Variants in SEC23A observed in about 807,000 individuals in gnomAD.
SEC23A encodes the protein SEC23 homolog A, COPII component.
SEC23A carries 56 observed loss-of-function variants against 103.7 expected under a neutral mutation model. That is an observed-to-expected ratio of 0.54 (90% confidence interval 0.44 to 0.67). SEC23A has a LOEUF of 0.67. Among genes scored for constraint, SEC23A ranks in the 30% least tolerant of loss-of-function variants. The probability of loss-of-function intolerance (pLI) is 0.00; values close to 1 mark genes in which losing one functional copy is unlikely to be tolerated. For synonymous variants in SEC23A, 281 were observed against 293.0 expected, an observed-to-expected ratio of 0.96 and a Z score of 0.42; for missense variants, 784 against 936.4, an observed-to-expected ratio of 0.84 and a Z score of 2.12.
chr14:39,045,941 A>T (rs768267317), intron 15 of SEC23A, among the ~76,000 whole-genome samples: 1 of 152,158 alleles, frequency 6.6e-6, no homozygotes, highest in Non-Finnish European at 1.5e-5. Flanking sequence ...TTGAATTGTC[A>T]ATTCAAGTTT....
intron 14 of SEC23A, among the ~76,000 whole-genome samples, chr14:39,049,438 T>C (rs1885965799): frequency 6.6e-6 from 1 of 150,624 alleles, no homozygotes; most frequent in Non-Finnish European, 1.5e-5. Context: ...ATCGTGCCAC[T>C]GGACTCCAGC....
chr14:39,065,805 C>A (rs1295535353), intron 10 of SEC23A, among the ~76,000 whole-genome samples: 1 of 152,012 alleles, frequency 6.6e-6, no homozygotes, highest in Non-Finnish European at 1.5e-5. Flanking sequence ...TCAAGACCAG[C>A]CTGACCAACA....
chr14:39,034,430 C>A (rs1236585029), intron 19 of SEC23A, among the ~76,000 whole-genome samples: 1 of 152,172 alleles, frequency 6.6e-6, no homozygotes, highest in East Asian at 1.9e-4. Context: ...TCTATTGTTC[C>A]TCCTGTTCAA....
chr14:39,059,289 A>AC (rs1566491466), intron 13 of SEC23A, among the ~76,000 whole-genome samples: 30 of 91,592 alleles, frequency 3.3e-4, no homozygotes, highest in South Asian at 6.6e-4. Context: ...AAAAAAAAAA[A>AC]AAAAAAAAAA....
intron 19 of SEC23A, among the ~76,000 whole-genome samples, chr14:39,034,148 G>A (rs1440846909): frequency 6.6e-6 from 1 of 152,204 alleles, no homozygotes; most frequent in African/African-American, 2.4e-5. Flanking sequence ...GAACTTGAAA[G>A]ATTTGATAAT....
At chr14:39,044,804 G>T (rs138531602) in intron 16 of SEC23A, among the ~76,000 whole-genome samples, 2 of 152,224 alleles carry the variant, frequency 1.3e-5, no homozygotes, top group East Asian at 3.9e-4. Flanking sequence ...ACTAAACTCT[G>T]GAATAAGCTA....
intron 5 of SEC23A, among the ~76,000 whole-genome samples, chr14:39,090,166 T>G (rs1887606741): frequency 1.3e-5 from 2 of 152,206 alleles, no homozygotes. Flanking sequence ...CTTCTTCATT[T>G]TGGTCTACCT....
At chr14:39,087,694 T>C (rs547622223) in intron 5 of SEC23A, 3 of 152,364 alleles carry the variant, frequency 2.0e-5, no homozygotes, top group African/African-American at 7.2e-5. Context: ...AGTACTGGAG[T>C]TATAAAACTG....
intron 5 of SEC23A, among the ~76,000 whole-genome samples, chr14:39,089,927 G>A (rs1197013414): frequency 6.6e-6 from 1 of 152,244 alleles, no homozygotes; most frequent in Admixed American, 6.5e-5. Context: ...ATGCAGTCCA[G>A]CCTGGGTGAC....
chr14:39,083,340 GTGTCTCTCACCTACC>G (rs1421601683), intron 7 of SEC23A, among the ~76,000 whole-genome samples: 2 of 151,972 alleles, frequency 1.3e-5, no homozygotes, highest in Non-Finnish European at 2.9e-5. Context: ...GCACCTACCT[GTGTCTCTCACCTACC>G]TGTCTCTCAC....
Position 39,049,641 on chromosome 14 carries a change from G to A in SEC23A, c.1660-912C>T, listed in dbSNP as rs140068308. Among the ~76,000 whole-genome samples the A allele has an allele frequency of 4.5e-3, 688 of 151,866 alleles. 6 individuals carry two copies. Among genetic ancestry groups the A allele is most frequent in the African/African-American group, 0.016 (662 of 41,424 alleles). ...AAAATTTTGAAAATTAGCCAGGCAT[G>A]GTTGCACGTGACTATAGTCCCAGCT... On this transcript the variant is annotated intron_variant, in intron 14 of 19. Coordinates refer to ENST00000307712, the MANE Select transcript of SEC23A (RefSeq NM_006364.4).
intron 4 of SEC23A, 141 bp from the exon 5 acceptor site, chr14:39,091,854 G>A (rs1431228282): frequency 1.5e-6 from 1 of 676,066 alleles, no homozygotes; most frequent in Non-Finnish European, 2.6e-6. Flanking sequence ...TATTTCTACT[G>A]TCATGGAGAG....
intron 3 of SEC23A, 174 bp from the exon 4 acceptor site, chr14:39,092,801 ATT>A (rs1887705548): frequency 1.7e-6 from 1 of 579,186 alleles, no homozygotes; most frequent in Non-Finnish European, 3.1e-6. Flanking sequence ...CATGACTAGT[ATT>A]TTGGCATTAA....
chr14:39,057,395 A>C (rs1886285324), intron 13 of SEC23A, among the ~76,000 whole-genome samples: 1 of 152,162 alleles, frequency 6.6e-6, no homozygotes, highest in Non-Finnish European at 1.5e-5. Context: ...TCTATCACCC[A>C]AGCTGGAATG....
chr14:39,059,301 A>AAAAAAAC (rs1566491579), intron 13 of SEC23A, among the ~76,000 whole-genome samples: 15 of 103,290 alleles, frequency 1.5e-4, no homozygotes, highest in Admixed American at 3.1e-4. Context: ...AAAAAAAAAA[A>AAAAAAAC]AAAAAAAAAC....
chr14:39,093,018 C>T (rs1887714619), intron 3 of SEC23A, 169 bp downstream of exon 3: 9 of 531,628 alleles, frequency 1.7e-5, no homozygotes, highest in South Asian at 1.7e-4. Context: ...CGCCTGCCAC[C>T]ACGCCCAGCT....
chr14:39,052,981 A>T (rs1365789963), intron 14 of SEC23A, among the ~76,000 whole-genome samples: 1 of 152,106 alleles, frequency 6.6e-6, no homozygotes, highest in Non-Finnish European at 1.5e-5. Context: ...CTAAAAATAC[A>T]AAAAATTAGC....
At position 39,032,244 on chromosome 14, in the gene SEC23A, T is replaced by G. The variant is rs942847545; in HGVS notation, c.*995A>C. ...GTGAATACTAATGAATAAATCAAAA[T>G]AGAACTGAGCATCACATGATATAAT... On this transcript the variant is annotated 3_prime_UTR_variant, in exon 20 of 20. Coordinates refer to ENST00000307712, the MANE Select transcript of SEC23A (RefSeq NM_006364.4). 4 of 152,574 alleles carry G rather than the reference T, an allele frequency of 2.6e-5. No individual in the cohort carries two copies. Among genetic ancestry groups the G allele is most frequent in the Non-Finnish European group, 5.9e-5 (4 of 68,010 alleles). 9.5% of individuals were successfully genotyped at this position (152,574 alleles called of 1,614,324 possible). A position where few individuals can be genotyped will look rare whatever the true frequency, so the allele number is the denominator to read the frequency against.
chr14:39,041,469 T>TA (rs1555326048), intron 17 of SEC23A: 4 of 147,744 alleles, frequency 2.7e-5, no homozygotes, highest in Admixed American at 6.8e-5. Flanking sequence ...TTTTTTTTTT[T>TA]AACAAAGGCA....
Sources: allele counts gnomAD v4.1 joint callset (sites outside exome capture counted in the v4.1 genomes callset), GRCh38; gene constraint gnomAD v4.1.1; transcripts MANE v1.5; gene names NCBI Gene and HGNC (gene_info 2026-07-23, HGNC 2026-07-21).